Variants in DENND5A observed in about 807,000 individuals in gnomAD.
DENND5A encodes the protein DENN domain containing 5A, also known as DENN domain-containing protein 5A.
A neutral mutation model predicts 140.3 loss-of-function variants in DENND5A; 64 were observed. The observed-to-expected ratio is 0.46, with a 90% CI of 0.37 to 0.56. DENND5A has a LOEUF of 0.56. Ranked by LOEUF, DENND5A falls within the 20% of genes least tolerant of loss-of-function variation. The probability of loss-of-function intolerance (pLI) is 0.00; values close to 1 mark genes in which losing one functional copy is unlikely to be tolerated. For synonymous variants in DENND5A, 605 were observed against 607.7 expected (o/e 1.00, Z 0.07); for missense variants, 1,292 against 1,593.8 (o/e 0.81, Z 3.22).
At chr11:9,158,083 A>C (rs552412364) in intron 12 of DENND5A, among the ~76,000 whole-genome samples, 3 of 152,362 alleles carry the variant, frequency 2.0e-5, no homozygotes, top group African/African-American at 7.2e-5. Context: ...ATGACTAATA[A>C]TAAGAGATTG....
chr11:9,209,975 C>A (rs942811378), intron 1 of DENND5A, among the ~76,000 whole-genome samples: 1 of 151,946 alleles, frequency 6.6e-6, no homozygotes, highest in Non-Finnish European at 1.5e-5. Flanking sequence ...GGCGTAGTGG[C>A]GGACACCTGT....
intron 13 of DENND5A, among the ~76,000 whole-genome samples, 162 bp downstream of exon 13, chr11:9,152,196 T>C (rs1257214160): frequency 1.3e-5 from 2 of 152,238 alleles, no homozygotes; most frequent in East Asian, 3.8e-4. Flanking sequence ...GGTTTTGGTA[T>C]GCTCTGTGGT....
At chr11:9,244,789 C>A (rs1851393988) in intron 1 of DENND5A, among the ~76,000 whole-genome samples, 1 of 152,174 alleles carries the variant, frequency 6.6e-6, no homozygotes, top group Non-Finnish European at 1.5e-5. Context: ...ATCCTCCCAC[C>A]TCAGTCTCCT....
chr11:9,172,969 T>C (rs1014881361), intron 8 of DENND5A, among the ~76,000 whole-genome samples: 118 of 145,084 alleles, frequency 8.1e-4, no homozygotes, highest in African/African-American at 3.0e-3. Context: ...GCACGTACTA[T>C]CATGCCTGGC....
At position 9,174,082 on chromosome 11, in the gene DENND5A, G is replaced by A. The variant is rs561259944; in HGVS notation, c.1907-3305C>T. Among the ~76,000 whole-genome samples the A allele has an allele frequency of 9.4e-4, 102 of 108,758 alleles. 2 individuals carry two copies. The South Asian group carries it at 0.029, about 31-fold the overall frequency. 71.3% of individuals were successfully genotyped at this position (108,758 alleles called of 152,430 possible). Reference sequence around the variant, plus strand: ...CTCGCCACTGCACTCCAGCCTGGGCGATAGAGCAAGACTCCGTCTCAAAAA... The same window carrying A: ...CTCGCCACTGCACTCCAGCCTGGGCAATAGAGCAAGACTCCGTCTCAAAAA... On this transcript the variant is annotated intron_variant, in intron 8 of 22. Coordinates refer to ENST00000328194, the MANE Select transcript of DENND5A (RefSeq NM_015213.4).
chr11:9,177,633 G>T (rs531417567), intron 8 of DENND5A, among the ~76,000 whole-genome samples: 4 of 151,582 alleles, frequency 2.6e-5, no homozygotes, highest in Non-Finnish European at 4.4e-5. Context: ...TTTAGCCTGG[G>T]TGACAGAGAG....
At chr11:9,192,131 T>C (rs1051442886) in intron 5 of DENND5A, among the ~76,000 whole-genome samples, 7 of 152,182 alleles carry the variant, frequency 4.6e-5, no homozygotes, top group African/African-American at 1.7e-4. Flanking sequence ...GGAAGACATT[T>C]TGATTCTAAA....
intron 1 of DENND5A, among the ~76,000 whole-genome samples, chr11:9,235,911 C>A (rs911356812): frequency 3.3e-5 from 5 of 152,072 alleles, no homozygotes; most frequent in African/African-American, 4.8e-5. Flanking sequence ...GATGGCTACA[C>A]AAAACCATAA....
At chr11:9,251,354 C>T (rs1851712557) in intron 1 of DENND5A, among the ~76,000 whole-genome samples, 1 of 151,946 alleles carries the variant, frequency 6.6e-6, no homozygotes, top group Non-Finnish European at 1.5e-5. Context: ...ACATAATGAA[C>T]AATAAAAAAT....
chr11:9,193,076 C>A (rs186510346), intron 5 of DENND5A, among the ~76,000 whole-genome samples: 186 of 151,900 alleles, frequency 1.2e-3, no homozygotes, highest in African/African-American at 3.6e-3. Context: ...CATAAAAAAA[C>A]AATTAGCTGG....
intron 1 of DENND5A, among the ~76,000 whole-genome samples, chr11:9,213,671 G>C (rs1173398878): frequency 6.6e-6 from 1 of 151,716 alleles, no homozygotes; most frequent in African/African-American, 2.4e-5. Context: ...GCCAGGCATG[G>C]TGGCAGGTGC....
rs753923905 is a variant in DENND5A, at chr11:9,142,068, T to G, written c.3552A>C (p.Glu1184Asp). ...QTYYETLEKN[E>D]VVPEENWHTR... ...TATGCCAGTTTTCCTCAGGGACTAC[T>G]TCATTCTTCTCTAATGTCTCATAAT... The change falls in exon 22 of 23, where the codon GAA (glutamate) becomes GAC (aspartate). Residue 1184 changes from glutamate (E) to aspartate (D), a missense_variant. Physicochemically the swap from Glu to Asp is conservative, Grantham distance 45. Around this residue, in one of 4 missense-constraint regions of DENND5A, gnomAD observed 498 missense variants for 689.7 expected, o/e 0.72. Coordinates refer to ENST00000328194, the MANE Select transcript of DENND5A (RefSeq NM_015213.4). The G allele has an allele frequency of 1.2e-6, 2 of 1,603,660 alleles. No homozygotes were observed. The highest frequency in any genetic ancestry group is 2.3e-5 in the South Asian group (2 of 88,136).
chr11:9,183,371 A>T (rs1199487466), intron 5 of DENND5A, among the ~76,000 whole-genome samples: 2 of 152,162 alleles, frequency 1.3e-5, no homozygotes, highest in Non-Finnish European at 2.9e-5. Context: ...GTTAATCAAC[A>T]TTTATTATAT....
At chr11:9,142,976 T>A in intron 20 of DENND5A, 131 bp from the exon 21 acceptor site, 1 of 1,204,276 alleles carries the variant, frequency 8.3e-7, no homozygotes, top group Non-Finnish European at 1.1e-6. Context: ...TCTGTTTCCC[T>A]AACACCTGGC....
At chr11:9,141,781 C>T (rs1038466417) in intron 22 of DENND5A, among the ~76,000 whole-genome samples, 159 bp downstream of exon 22, 18 of 152,260 alleles carry the variant, frequency 1.2e-4, no homozygotes, top group East Asian at 3.9e-4. Flanking sequence ...TGACCATACA[C>T]GATACACAGA....
At chr11:9,141,683 A>C (rs1847245920) in intron 22 of DENND5A, among the ~76,000 whole-genome samples, 1 of 152,220 alleles carries the variant, frequency 6.6e-6, no homozygotes, top group Non-Finnish European at 1.5e-5. Context: ...AGGTACAGTA[A>C]AAACAGAGTA....
intron 1 of DENND5A, among the ~76,000 whole-genome samples, chr11:9,260,534 G>C (rs1046467629): frequency 6.6e-6 from 1 of 152,124 alleles, no homozygotes; most frequent in Non-Finnish European, 1.5e-5. Flanking sequence ...TTCCAGATTT[G>C]CTTACCTAAC....
In DENND5A at chr11:9,206,712, G is replaced by A. The variant is rs201015332; in HGVS notation, c.252C>T (p.Asn84=). 3.3e-5 allele frequency: 54 copies of A among 1,613,726 alleles called. No homozygotes were observed. The highest frequency in any genetic ancestry group is 1.0e-4 in the Admixed American group (6 of 59,998). Reference sequence around the variant, plus strand: ...CTTGGTCAAAGGGATTCCATTCTACGTTCTCAGGATATCGTGCAAGGACCT... The same window carrying A: ...CTTGGTCAAAGGGATTCCATTCTACATTCTCAGGATATCGTGCAAGGACCT... ...KSKVLARYPE[N]VEWNPFDQDA... is the part of the protein sequence containing the mutation. The change falls in exon 3 of 23, where the codon AAC becomes AAT. Residue 84 remains asparagine, a synonymous_variant. Coordinates refer to ENST00000328194, the MANE Select transcript of DENND5A (RefSeq NM_015213.4).
At chr11:9,165,762 G>C in intron 11 of DENND5A, 74 bp downstream of exon 11, 1 of 1,546,570 alleles carries the variant, frequency 6.5e-7, no homozygotes, top group Non-Finnish European at 8.9e-7. Flanking sequence ...CAGAGGGAGT[G>C]GTCAGAGCCA....
Sources: allele counts gnomAD v4.1 joint callset (sites outside exome capture counted in the v4.1 genomes callset), GRCh38; gene constraint gnomAD v4.1.1; regional missense constraint gnomAD v4.1.1; transcripts MANE v1.5; gene names NCBI Gene and HGNC (gene_info 2026-07-23, HGNC 2026-07-21).